Variants in IQGAP1 observed in about 807,000 individuals in gnomAD.
IQGAP1 encodes IQ motif containing GTPase activating protein 1.
IQGAP1 carries 66 observed loss-of-function variants against 215.6 expected under a neutral mutation model. The observed-to-expected ratio is 0.31, with a 90% confidence interval of 0.25 to 0.38. The LOEUF is 0.38. IQGAP1 is among the 10% of genes least tolerant of loss of function. The pLI is 1.00. For synonymous variants in IQGAP1, 772 were observed against 728.7 expected (o/e 1.06, Z -0.96); for missense variants, 1,712 against 1,997.1 (o/e 0.86, Z 2.72).
chr15:90,448,955 C>T, intron 10 of IQGAP1, among the ~76,000 whole-genome samples: 1 of 152,148 alleles, frequency 6.6e-6, no homozygotes, highest in East Asian at 1.9e-4. Flanking sequence ...GATAAACAGA[C>T]AATACCCACC....
intron 2 of IQGAP1, among the ~76,000 whole-genome samples, chr15:90,414,955 T>A (rs1270978579): frequency 6.6e-6 from 1 of 152,218 alleles, no homozygotes; most frequent in African/African-American, 2.4e-5. Flanking sequence ...CACCAAATCA[T>A]CTTTTAAAAA....
chr15:90,441,285 G>A (rs1015065542), intron 7 of IQGAP1, among the ~76,000 whole-genome samples: 21 of 152,248 alleles, frequency 1.4e-4, no homozygotes, highest in Middle Eastern at 6.8e-3. Context: ...TCCCAGACAT[G>A]GATCACAGAT....
rs773323643 is a variant in IQGAP1 at position 90,438,369 on chromosome 15, T to G, written c.468-963T>G. On this transcript the variant is annotated intron_variant, in intron 5 of 37. Transcript: ENST00000268182. ...GTCCATCCATCTGTCAAATATTGAT[T>G]AATGTTTATTAATATATGCTAGGCT... 1.3e-5 allele frequency among the ~76,000 whole-genome samples: 2 copies of G among 152,300 alleles called. 1 individual carries two copies. The highest frequency in any genetic ancestry group is 3.9e-4 in the East Asian group (2 of 5,188).
intron 4 of IQGAP1, among the ~76,000 whole-genome samples, chr15:90,431,407 C>T (rs994281270): frequency 1.3e-5 from 2 of 152,140 alleles, no homozygotes; most frequent in Non-Finnish European, 2.9e-5. Flanking sequence ...TTACACTGTG[C>T]ACCTGTAACT....
At chr15:90,473,045 G>T (rs1310470850) in intron 19 of IQGAP1, 35 bp downstream of exon 19, 1 of 1,592,846 alleles carries the variant, frequency 6.3e-7, no homozygotes, top group East Asian at 2.2e-5. Context: ...CAGCAAGCGG[G>T]CATCTAGAGC....
chr15:90,476,592 A>C, intron 23 of IQGAP1, 71 bp from the exon 24 acceptor site: 1 of 1,258,448 alleles, frequency 7.9e-7, no homozygotes, highest in Non-Finnish European at 1.1e-6. Flanking sequence ...ACATGCTGCA[A>C]AACCTTTCCT....
Position 90,433,227 on chromosome 15 carries a change from A to G in IQGAP1, c.391-492A>G, listed in dbSNP as rs547179900. On this transcript the variant is annotated intron_variant, in intron 4 of 37. Coordinates refer to ENST00000268182, the MANE Select transcript of IQGAP1 (RefSeq NM_003870.4). ...AGCATTAAACACATTTTAATATTTT[A>G]TAGTTTTTTTCAATGTCTAAATGTA... is the stretch of plus-strand genomic sequence containing the variant. Among the ~76,000 whole-genome samples, 5 of 152,294 alleles carry G rather than the reference A, an allele frequency of 3.3e-5. No homozygotes were observed. In the East Asian group the frequency reaches 5.8e-4, roughly 18 times the overall value.
Position 90,480,367 on chromosome 15 carries a change from A to G in IQGAP1, c.3330-1593A>G, listed in dbSNP as rs186297699. 1.3e-3 allele frequency among the ~76,000 whole-genome samples: 203 copies of G among 152,300 alleles called. 6 individuals carry two copies. Among genetic ancestry groups the G allele is most frequent in the Admixed American group, 0.013 (200 of 15,300 alleles). On this transcript the variant is annotated intron_variant, in intron 26 of 37. Coordinates refer to ENST00000268182, the MANE Select transcript of IQGAP1 (RefSeq NM_003870.4). ...TCTTCTTTTACTTCAGCCACCATAC[A>G]CGTAGCAAACTGGAATCTTGTCACC...
chr15:90,405,076 C>G (rs1050794164), intron 2 of IQGAP1, among the ~76,000 whole-genome samples: 1 of 152,108 alleles, frequency 6.6e-6, no homozygotes, highest in Non-Finnish European at 1.5e-5. Flanking sequence ...ATATTTAACT[C>G]TTTGATCCAT....
intron 25 of IQGAP1, 123 bp from the exon 26 acceptor site, chr15:90,477,542 C>A: frequency 1.4e-6 from 1 of 739,574 alleles, no homozygotes; most frequent in Non-Finnish European, 2.3e-6. Context: ...CAGGAACATT[C>A]TGTGAGTGCT....
chr15:90,477,291 G>A, intron 25 of IQGAP1, 61 bp downstream of exon 25: 1 of 1,347,986 alleles, frequency 7.4e-7, no homozygotes, highest in East Asian at 2.3e-5. Flanking sequence ...CTCCCAGTTT[G>A]AGATTCATGC....
intron 24 of IQGAP1, 104 bp downstream of exon 24, chr15:90,476,922 AGG>A (rs1596286480): frequency 4.4e-6 from 6 of 1,373,730 alleles, no homozygotes; most frequent in Admixed American, 2.1e-5. Flanking sequence ...ACTTCCACTG[AGG>A]GGTGAGTGAG....
At chr15:90,492,987 C>A (rs144649939) in intron 35 of IQGAP1, among the ~76,000 whole-genome samples, 2,523 of 152,190 alleles carry the variant, frequency 0.017, 68 homozygotes, top group African/African-American at 0.057. Flanking sequence ...TCACACCTAT[C>A]ATCCCAGCAC....
At chr15:90,479,345 A>G (rs1966023602) in intron 26 of IQGAP1, among the ~76,000 whole-genome samples, 1 of 152,158 alleles carries the variant, frequency 6.6e-6, no homozygotes, top group Non-Finnish European at 1.5e-5. Flanking sequence ...CACACTTTGA[A>G]TAACACTATT....
At chr15:90,419,829 G>A (rs1383249992) in intron 2 of IQGAP1, among the ~76,000 whole-genome samples, 1 of 152,166 alleles carries the variant, frequency 6.6e-6, no homozygotes, top group Non-Finnish European at 1.5e-5. Flanking sequence ...TGATACTCCT[G>A]TTCCATTTCA....
intron 13 of IQGAP1, 149 bp downstream of exon 13, chr15:90,453,441 G>T: frequency 1.7e-6 from 1 of 590,172 alleles, no homozygotes; most frequent in Non-Finnish European, 2.8e-6. Context: ...TTAATTCTTT[G>T]TTATGCTGAA....
chr15:90,405,929 T>G lies in IQGAP1; in HGVS notation c.155+15056T>G, dbSNP rs372843286. ...TCAGCTATTTTGTGTTTTATGATAGTTAGTTTACATTCTCCGTTGAGTTAT... is the reference window on the plus strand; with the variant it reads ...TCAGCTATTTTGTGTTTTATGATAGGTAGTTTACATTCTCCGTTGAGTTAT... On this transcript the variant is annotated intron_variant, in intron 2 of 37. Transcript: ENST00000268182. Among the ~76,000 whole-genome samples, 7 of 152,260 alleles carry G rather than the reference T, an allele frequency of 4.6e-5. No homozygotes were observed. In the East Asian group the frequency reaches 9.6e-4, roughly 21 times the overall value.
At chr15:90,473,068 CG>C in intron 19 of IQGAP1, 58 bp downstream of exon 19, 1 of 1,504,380 alleles carries the variant, frequency 6.6e-7, no homozygotes, top group Non-Finnish European at 9.2e-7. Flanking sequence ...GGGTAATAAA[CG>C]GTCAGCTGTC....
chr15:90,391,850 T>G (rs993122131), intron 2 of IQGAP1: 10 of 152,168 alleles, frequency 6.6e-5, no homozygotes, highest in Non-Finnish European at 1.3e-4. Flanking sequence ...TAAGTGAGCT[T>G]TGGTGGAAAA....
Sources: allele counts gnomAD v4.1 joint callset (sites outside exome capture counted in the v4.1 genomes callset), GRCh38; gene constraint gnomAD v4.1.1; transcripts MANE v1.5; gene names NCBI Gene and HGNC (gene_info 2026-07-23, HGNC 2026-07-21).